CNTN5: variants seen among roughly 807,000 people sequenced by gnomAD.
CNTN5 encodes the protein contactin-5.
In CNTN5, 77 loss-of-function variants were observed where a neutral mutation model predicts 129.1. The observed-to-expected ratio is 0.60, with a 90% confidence interval of 0.50 to 0.72. CNTN5 has a LOEUF of 0.72. Ranked by LOEUF, CNTN5 falls within the 30% of genes least tolerant of loss-of-function variation. CNTN5 has a pLI of 0.00. For synonymous variants in CNTN5, 509 were observed against 465.6 expected (o/e 1.09, Z -1.20); for missense variants, 1,478 against 1,328.8 (o/e 1.11, Z -1.75).
At chr11:99,971,968 G>T (rs1033448584) in intron 8 of CNTN5, among the ~76,000 whole-genome samples, 24 of 150,698 alleles carry the variant, frequency 1.6e-4, no homozygotes, top group African/African-American at 5.8e-4. Flanking sequence ...CAAAAAAAAC[G>T]GGTGGGAGCG....
chr11:100,308,562 A>G, intron 21 of CNTN5, 94 bp downstream of exon 21: 1 of 1,437,454 alleles, frequency 7.0e-7, no homozygotes, highest in Non-Finnish European at 9.2e-7. Context: ...GAATTTCAAC[A>G]GAATTTCTTA....
At position 99,575,968 on chromosome 11, in the gene CNTN5, C is replaced by T. The variant is rs1949335267; in HGVS notation, c.55+19699C>T. 2.0e-5 allele frequency among the ~76,000 whole-genome samples: 3 copies of T among 152,192 alleles called. No homozygotes were observed. The South Asian group carries it at 6.2e-4, about 31-fold the overall frequency. ...CACTAGAGAATCCGTACTTGGACAA[C>T]TACCACACAGAGGGCCCCGGTGGCC... On this transcript the variant is annotated intron_variant, in intron 3 of 24. Transcript: ENST00000524871.
chr11:99,156,864 T>A (rs1565363139), intron 1 of CNTN5, among the ~76,000 whole-genome samples: 1 of 151,994 alleles, frequency 6.6e-6, no homozygotes, highest in Non-Finnish European at 1.5e-5. Context: ...TTTAAACAAA[T>A]CTCAGGTGTA....
chr11:99,186,149 T>A (rs1858341696), intron 1 of CNTN5, among the ~76,000 whole-genome samples: 1 of 151,926 alleles, frequency 6.6e-6, no homozygotes, highest in African/African-American at 2.4e-5. Context: ...AACATAAATT[T>A]CTACCTATGT....
In CNTN5 at chr11:99,996,972, A is replaced by G. The variant is rs141840897; in HGVS notation, c.878-5062A>G. On this transcript the variant is annotated intron_variant, in intron 8 of 24. Transcript: ENST00000524871. Reference sequence around the variant, plus strand: ...TTTCAGATGAGATTTTGGTGGGGACACAGAGCCAAACCATATCATTCTACC... The same window carrying G: ...TTTCAGATGAGATTTTGGTGGGGACGCAGAGCCAAACCATATCATTCTACC... Among the ~76,000 whole-genome samples, 406 of 152,264 alleles carry G rather than the reference A, an allele frequency of 2.7e-3. 1 individual carries two copies. Among genetic ancestry groups the G allele is most frequent in the Non-Finnish European group, 2.9e-3 (199 of 68,024 alleles).
chr11:99,583,227 T>C (rs1949674940), intron 3 of CNTN5, among the ~76,000 whole-genome samples: 1 of 152,206 alleles, frequency 6.6e-6, no homozygotes, highest in African/African-American at 2.4e-5. Context: ...GGTGTTAGTC[T>C]GCCCCTAATT....
intron 1 of CNTN5, among the ~76,000 whole-genome samples, chr11:99,188,245 C>T (rs1352426023): frequency 2.0e-5 from 3 of 151,602 alleles, no homozygotes; most frequent in Non-Finnish European, 4.4e-5. Context: ...AATAAATAAA[C>T]ATGTATATAT....
chr11:99,632,025 T>C (rs1236987981), intron 3 of CNTN5, among the ~76,000 whole-genome samples: 1 of 152,126 alleles, frequency 6.6e-6, no homozygotes, highest in Non-Finnish European at 1.5e-5. Flanking sequence ...AACATATGTA[T>C]AGGAAGAAAC....
At chr11:99,904,990 T>C (rs1421196116) in intron 6 of CNTN5, among the ~76,000 whole-genome samples, 1 of 127,426 alleles carries the variant, frequency 7.8e-6, no homozygotes, top group Non-Finnish European at 1.5e-5. Flanking sequence ...GATGGGTTTG[T>C]CTGTTCTTTT....
chr11:99,656,442 A>G lies in CNTN5; in HGVS notation c.55+100173A>G, dbSNP rs569076461. ...CTTAAGTTCATAGAAATGATGATGC[A>G]AAGCGCCAGGCGTAAGAGGAAAGAA... On this transcript the variant is annotated intron_variant, in intron 3 of 24. Transcript: ENST00000524871. Among the ~76,000 whole-genome samples the G allele has an allele frequency of 1.8e-4, 27 of 152,284 alleles. 1 individual carries two copies. The South Asian group carries it at 5.2e-3, about 29-fold the overall frequency.
chr11:99,497,984 T>C (rs562820232), intron 2 of CNTN5, among the ~76,000 whole-genome samples: 13 of 152,226 alleles, frequency 8.5e-5, no homozygotes, highest in Admixed American at 5.9e-4. Context: ...AGAGTTGATT[T>C]TGACCAGAGA....
chr11:99,981,615 C>A (rs998209038), intron 8 of CNTN5, among the ~76,000 whole-genome samples: 5 of 152,070 alleles, frequency 3.3e-5, no homozygotes, highest in African/African-American at 1.2e-4. Flanking sequence ...CAAGTTGACA[C>A]AATTAAAATT....
At chr11:99,508,925 C>A (rs2135405110) in intron 2 of CNTN5, among the ~76,000 whole-genome samples, 1 of 152,280 alleles carries the variant, frequency 6.6e-6, no homozygotes, top group African/African-American at 2.4e-5. Flanking sequence ...AAGTGATCAG[C>A]CCGCCGCAGC....
chr11:99,509,921 G>A (rs987545072), intron 2 of CNTN5, among the ~76,000 whole-genome samples: 3 of 151,744 alleles, frequency 2.0e-5, no homozygotes, highest in African/African-American at 7.3e-5. Flanking sequence ...TACTGGGCTT[G>A]AATTCAAGTT....
chr11:100,024,669 T>C (rs749185242), intron 9 of CNTN5, among the ~76,000 whole-genome samples: 4 of 152,152 alleles, frequency 2.6e-5, no homozygotes, highest in Admixed American at 6.5e-5. Context: ...GTGACTGGAA[T>C]AAAGGTGATG....
chr11:99,304,819 G>T (rs1864799989), intron 1 of CNTN5, among the ~76,000 whole-genome samples: 1 of 152,168 alleles, frequency 6.6e-6, no homozygotes, highest in Non-Finnish European at 1.5e-5. Flanking sequence ...AGGTTCACAA[G>T]GCCTTTGCCC....
intron 8 of CNTN5, among the ~76,000 whole-genome samples, chr11:99,962,407 G>A (rs1045333011): frequency 6.6e-6 from 1 of 150,756 alleles, no homozygotes; most frequent in African/African-American, 2.4e-5. Context: ...AAGATGCAGT[G>A]TTTGGTTTTT....
At chr11:100,310,334 G>C (rs773668611) in intron 21 of CNTN5, among the ~76,000 whole-genome samples, 3 of 151,782 alleles carry the variant, frequency 2.0e-5, no homozygotes, top group Non-Finnish European at 4.4e-5. Context: ...TCACCCTCAA[G>C]CTTTTTTTAT....
chr11:99,793,524 T>G (rs888082628), intron 3 of CNTN5, among the ~76,000 whole-genome samples: 1 of 152,232 alleles, frequency 6.6e-6, no homozygotes, highest in Non-Finnish European at 1.5e-5. Flanking sequence ...GTTGATAATT[T>G]GAGATCTTGC....
Sources: allele counts gnomAD v4.1 joint callset (sites outside exome capture counted in the v4.1 genomes callset), GRCh38; gene constraint gnomAD v4.1.1; transcripts MANE v1.5; gene names NCBI Gene and HGNC (gene_info 2026-07-23, HGNC 2026-07-21).